Variants in ACAD11 observed in about 807,000 individuals in gnomAD.
ACAD11 encodes acyl-CoA dehydrogenase family member 11.
A neutral mutation model predicts 102.2 loss-of-function variants in ACAD11; 83 were observed. The ratio of observed to expected loss-of-function variants is 0.81; its 90% confidence interval spans 0.68 to 0.97. The LOEUF is 0.97. ACAD11 is among the 50% of genes least tolerant of loss of function. ACAD11 has a pLI of 0.00. For synonymous variants in ACAD11, 324 were observed against 319.8 expected (o/e 1.01, Z -0.14); for missense variants, 901 against 951.7 (o/e 0.95, Z 0.70).
intron 11 of ACAD11, among the ~76,000 whole-genome samples, chr3:132,609,139 G>A (rs1036929995): frequency 6.6e-6 from 1 of 152,134 alleles, no homozygotes; most frequent in Admixed American, 6.6e-5. Context: ...CACAACTAAA[G>A]CAGTATTTAG....
intron 5 of ACAD11, among the ~76,000 whole-genome samples, chr3:132,634,602 C>G (rs1940197115): frequency 6.6e-6 from 1 of 152,132 alleles, no homozygotes; most frequent in Non-Finnish European, 1.5e-5. Context: ...AAGACACATG[C>G]ACACGTATGT....
chr3:132,592,217 T>C (rs898316958), intron 13 of ACAD11, among the ~76,000 whole-genome samples: 4 of 152,100 alleles, frequency 2.6e-5, no homozygotes, highest in African/African-American at 9.7e-5. Flanking sequence ...CAAGCAGAAT[T>C]TGGCAAGTGC....
At chr3:132,592,850 C>A (rs1938138948) in intron 13 of ACAD11, among the ~76,000 whole-genome samples, 1 of 151,862 alleles carries the variant, frequency 6.6e-6, no homozygotes, top group Non-Finnish European at 1.5e-5. Context: ...GAAAAAAAAT[C>A]CCATGTGTTC....
At chr3:132,587,279 C>T (rs931811867) in intron 13 of ACAD11, among the ~76,000 whole-genome samples, 1 of 152,156 alleles carries the variant, frequency 6.6e-6, no homozygotes, top group Non-Finnish European at 1.5e-5. Context: ...GAACTCTAAT[C>T]ACACATATTT....
intron 9 of ACAD11, chr3:132,621,238 T>C (rs910628146): frequency 6.6e-6 from 1 of 152,064 alleles, no homozygotes; most frequent in East Asian, 1.9e-4. Context: ...GAAAAGCTCT[T>C]AGAAAGAGGA....
At chr3:132,612,792 T>C (rs1340301802) in intron 11 of ACAD11, among the ~76,000 whole-genome samples, 1 of 152,016 alleles carries the variant, frequency 6.6e-6, no homozygotes, top group Non-Finnish European at 1.5e-5. Context: ...TGTAAACTAG[T>C]TCAACCATTG....
At chr3:132,605,052 C>CTA in intron 12 of ACAD11, 46 bp downstream of exon 12, 1 of 1,460,960 alleles carries the variant, frequency 6.8e-7, no homozygotes, top group Non-Finnish European at 9.5e-7. Context: ...CATAATAACT[C>CTA]CGGGACGACT....
intron 11 of ACAD11, among the ~76,000 whole-genome samples, chr3:132,611,410 A>G (rs1939137951): frequency 6.6e-6 from 1 of 152,094 alleles, no homozygotes; most frequent in Non-Finnish European, 1.5e-5. Context: ...AGGGCATTCA[A>G]TTAGGAAAAG....
intron 13 of ACAD11, among the ~76,000 whole-genome samples, chr3:132,587,186 TATCA>T (rs1462205072): frequency 7.2e-5 from 11 of 152,360 alleles, no homozygotes; most frequent in Admixed American, 7.2e-4. Context: ...ATTTATTTTA[TATCA>T]ATCAAAAATA....
chr3:132,566,296 C>CAAAAAAAAAAAA (rs371477145), intron 17 of ACAD11, among the ~76,000 whole-genome samples: 1 of 61,894 alleles, frequency 1.6e-5, no homozygotes, highest in African/African-American at 4.6e-5. Flanking sequence ...AAAACAAACT[C>CAAAAAAAAAAAA]AAAAAAACAA....
chr3:132,600,344 G>A, intron 13 of ACAD11: 1 of 1,442,172 alleles, frequency 6.9e-7, no homozygotes, highest in Non-Finnish European at 9.3e-7. Flanking sequence ...TTCCTTTTAA[G>A]CATATTTAGA....
chr3:132,655,919 A>C (rs1001170387), intron 1 of ACAD11, among the ~76,000 whole-genome samples: 11 of 152,260 alleles, frequency 7.2e-5, no homozygotes, highest in African/African-American at 1.4e-4. Flanking sequence ...AAATTTTAAA[A>C]GTAAATCTTG....
At chr3:132,619,642 G>A (rs1939537900) in intron 9 of ACAD11, 97 bp from the exon 10 acceptor site, 2 of 615,470 alleles carry the variant, frequency 3.2e-6, no homozygotes, top group South Asian at 5.6e-5. Context: ...ATTTTTAGGT[G>A]AAGATGCTTT....
chr3:132,636,848 G>A (rs931060201), intron 5 of ACAD11, among the ~76,000 whole-genome samples: 3 of 152,092 alleles, frequency 2.0e-5, no homozygotes, highest in African/African-American at 4.8e-5. Flanking sequence ...TAGAAAGCAG[G>A]CTATGCTGGA....
At position 132,575,889 on chromosome 3, in the gene ACAD11, A is replaced by G; in HGVS notation, c.1884T>C (p.Leu628=). The change falls in exon 17 of 20, where the codon CTT becomes CTC. Residue 628 remains leucine (L), a synonymous_variant. Transcript: ENST00000264990. The part of the protein sequence containing the change: ...GRGFEISQGR[L]GPGRIHHCMR... Reference sequence around the variant, plus strand: ...TACAGTGGTGGATTCTGCCAGGTCCAAGGCGGCCTTGGGAAATTTCAAATC... The same window carrying G: ...TACAGTGGTGGATTCTGCCAGGTCCGAGGCGGCCTTGGGAAATTTCAAATC... 3 of 1,614,074 alleles carry G rather than the reference A, an allele frequency of 1.9e-6. No individual in the cohort carries two copies. The highest frequency in any genetic ancestry group is 1.1e-5 in the South Asian group (1 of 91,074).
intron 5 of ACAD11, among the ~76,000 whole-genome samples, chr3:132,635,383 C>G (rs1364870311): frequency 6.6e-6 from 1 of 152,158 alleles, no homozygotes; most frequent in African/African-American, 2.4e-5. Flanking sequence ...CTGCAGACCC[C>G]ATTTGGGTAA....
intron 17 of ACAD11, 146 bp downstream of exon 17, chr3:132,575,626 T>C (rs1937511371): frequency 8.1e-6 from 8 of 988,826 alleles, no homozygotes; most frequent in Middle Eastern, 2.3e-4. Context: ...CATTAGACTA[T>C]ATTTAAATAC....
chr3:132,652,622 T>C (rs1940969176), intron 1 of ACAD11, among the ~76,000 whole-genome samples: 1 of 152,142 alleles, frequency 6.6e-6, no homozygotes, highest in African/African-American at 2.4e-5. Context: ...CATACAGTCA[T>C]AATTACTGTT....
At chr3:132,581,748 T>G (rs1937601496) in intron 13 of ACAD11, among the ~76,000 whole-genome samples, 1 of 152,040 alleles carries the variant, frequency 6.6e-6, no homozygotes. Flanking sequence ...GCATTCTAAT[T>G]GACCTTGATT....
Sources: gnomAD v4.1 joint callset for allele counts (sites outside exome capture counted in the v4.1 genomes callset) on GRCh38, gnomAD v4.1.1 for gene constraint, MANE v1.5 for transcripts, NCBI Gene and HGNC (gene_info 2026-07-23, HGNC 2026-07-21) for gene names.